The following NIPAL2 variants were observed in gnomAD, a reference collection of about 807,000 sequenced individuals.
NIPAL2 encodes NIPA like domain containing 2.
Under a neutral mutation model 48.9 loss-of-function variants are expected in NIPAL2, and 43 were observed. That is an observed-to-expected ratio of 0.88 (90% CI 0.69 to 1.13). The LOEUF (loss-of-function observed/expected upper bound fraction) is 1.13. Ranked by LOEUF, NIPAL2 falls within the 50% of genes most tolerant of loss-of-function variation. The pLI, the probability that NIPAL2 is intolerant of heterozygous loss-of-function variation, is 0.00. For missense variants in NIPAL2, 446 were observed against 461.4 expected (o/e 0.97, Z 0.31); for synonymous variants, 167 against 174.6 (o/e 0.96, Z 0.34).
intron 8 of NIPAL2, among the ~76,000 whole-genome samples, chr8:98,200,616 A>G (rs756205676): frequency 2.0e-5 from 3 of 152,150 alleles, no homozygotes; most frequent in Non-Finnish European, 4.4e-5. Flanking sequence ...TCTTTTCAAG[A>G]CCTTGCTTTT....
chr8:98,212,596 G>A (rs773766715), intron 5 of NIPAL2, 95 bp from the exon 6 acceptor site: 50 of 665,430 alleles, frequency 7.5e-5, no homozygotes, highest in Non-Finnish European at 1.3e-4. Context: ...ATTCTCATAT[G>A]AGCGTTGAGG....
At chr8:98,280,749 T>TAG (rs1192074187) in intron 1 of NIPAL2, among the ~76,000 whole-genome samples, 1 of 43,990 alleles carries the variant, frequency 2.3e-5, no homozygotes, top group Non-Finnish European at 5.2e-5. Flanking sequence ...TATATATATA[T>TAG]ATATATATAT....
chr8:98,258,872 A>C (rs1182718599), intron 1 of NIPAL2, among the ~76,000 whole-genome samples: 1 of 151,906 alleles, frequency 6.6e-6, no homozygotes, highest in East Asian at 1.9e-4. Flanking sequence ...CGACTCCTGA[A>C]TCATTCGTTA....
At chr8:98,196,127 A>G in intron 8 of NIPAL2, 122 bp from the exon 9 acceptor site, 1 of 570,802 alleles carries the variant, frequency 1.8e-6, no homozygotes, top group Non-Finnish European at 2.9e-6. Flanking sequence ...TCATCCTTAA[A>G]ATGCACATTC....
chr8:98,240,771 C>T (rs1812942807), intron 3 of NIPAL2, among the ~76,000 whole-genome samples: 1 of 152,182 alleles, frequency 6.6e-6, no homozygotes. Flanking sequence ...CAGAGTATCA[C>T]TCCAGGTGAA....
intron 1 of NIPAL2, among the ~76,000 whole-genome samples, chr8:98,263,605 A>C (rs912659315): frequency 1.3e-5 from 2 of 148,180 alleles, no homozygotes; most frequent in African/African-American, 5.1e-5. Context: ...TGAATAGACC[A>C]ATAACAGGAT....
intron 5 of NIPAL2, among the ~76,000 whole-genome samples, chr8:98,221,705 T>A (rs1811894680): frequency 6.6e-6 from 1 of 152,198 alleles, no homozygotes; most frequent in Non-Finnish European, 1.5e-5. Flanking sequence ...TTATCATCAC[T>A]GGTCATTAGA....
chr8:98,287,183 G>C (rs1406368310), intron 1 of NIPAL2, among the ~76,000 whole-genome samples: 2 of 152,158 alleles, frequency 1.3e-5, no homozygotes, highest in African/African-American at 2.4e-5. Context: ...TGGGGTGGTG[G>C]TCCTACTGGT....
intron 1 of NIPAL2, among the ~76,000 whole-genome samples, chr8:98,274,304 T>A (rs375722942): frequency 6.6e-6 from 1 of 151,984 alleles, no homozygotes; most frequent in South Asian, 2.1e-4. Flanking sequence ...CACCCATCCA[T>A]CCCATCTATC....
chr8:98,263,746 AG>A (rs1403446265), intron 1 of NIPAL2, among the ~76,000 whole-genome samples: 1 of 117,234 alleles, frequency 8.5e-6, no homozygotes, highest in Non-Finnish European at 1.7e-5. Context: ...TCCAATCAAT[AG>A]AAAAAGAGGG....
intron 1 of NIPAL2, among the ~76,000 whole-genome samples, chr8:98,270,198 C>T (rs543748761): frequency 6.6e-6 from 1 of 152,174 alleles, no homozygotes; most frequent in South Asian, 2.1e-4. Context: ...TGGGTATATA[C>T]CCAGTAATGG....
intron 1 of NIPAL2, among the ~76,000 whole-genome samples, chr8:98,279,608 A>C (rs1327891024): frequency 1.3e-5 from 2 of 152,224 alleles, no homozygotes; most frequent in East Asian, 3.8e-4. Context: ...GATAGCAGCC[A>C]AATTTTGAGC....
chr8:98,210,647 G>C (rs970078681), intron 6 of NIPAL2, among the ~76,000 whole-genome samples: 1 of 151,994 alleles, frequency 6.6e-6, no homozygotes, highest in African/African-American at 2.4e-5. Context: ...TCTTTATATG[G>C]GTTTCTGTCT....
chr8:98,228,417 C>G (rs573570302), intron 4 of NIPAL2, among the ~76,000 whole-genome samples: 11 of 152,166 alleles, frequency 7.2e-5, no homozygotes, highest in Non-Finnish European at 1.0e-4. Context: ...ACTTGGATCC[C>G]AGAAGCCTAA....
chr8:98,217,746 C>A (rs537124061), intron 5 of NIPAL2, among the ~76,000 whole-genome samples: 33 of 152,142 alleles, frequency 2.2e-4, no homozygotes, highest in Admixed American at 1.8e-3. Flanking sequence ...TCAAAAGTGA[C>A]TTTATTAAAG....
chr8:98,262,687 T>G (rs989401160), intron 1 of NIPAL2, among the ~76,000 whole-genome samples: 2 of 151,320 alleles, frequency 1.3e-5, no homozygotes, highest in Non-Finnish European at 3.0e-5. Flanking sequence ...ATGGGAGACT[T>G]TAACACCCAC....
chr8:98,284,409 C>T (rs1816033996), intron 1 of NIPAL2, among the ~76,000 whole-genome samples: 1 of 97,976 alleles, frequency 1.0e-5, no homozygotes, highest in African/African-American at 4.8e-5. Flanking sequence ...TTCTCTCTCT[C>T]TCTCTCTCTC....
intron 5 of NIPAL2, among the ~76,000 whole-genome samples, chr8:98,218,875 T>C (rs956450348): frequency 6.6e-6 from 1 of 152,058 alleles, no homozygotes; most frequent in African/African-American, 2.4e-5. Flanking sequence ...TCAGGTTTGT[T>C]TATTAGGAGG....
chr8:98,203,864 G>A (rs963873648), intron 7 of NIPAL2, among the ~76,000 whole-genome samples: 2 of 152,062 alleles, frequency 1.3e-5, no homozygotes, highest in Non-Finnish European at 2.9e-5. Context: ...GTGTGTGTGT[G>A]TGTGTGTGTG....
Sources: gnomAD v4.1 joint callset for allele counts (sites outside exome capture counted in the v4.1 genomes callset) on GRCh38, gnomAD v4.1.1 for gene constraint, MANE v1.5 for transcripts, NCBI Gene and HGNC (gene_info 2026-07-23, HGNC 2026-07-21) for gene names.